TBC1D2B: variants seen among roughly 807,000 people sequenced by gnomAD.
The protein encoded by TBC1D2B is TBC1 domain family, member 2B.
TBC1D2B carries 64 observed loss-of-function variants against 100.8 expected under a neutral mutation model. The observed-to-expected ratio is 0.64, with a 90% CI of 0.52 to 0.78. The LOEUF is 0.78. Among genes scored for constraint, TBC1D2B ranks in the 30% least tolerant of loss-of-function variants. The pLI is 0.00. For missense variants in TBC1D2B, 1,052 were observed against 1,218.4 expected, an observed-to-expected ratio of 0.86 and a Z score of 2.03; for synonymous variants, 480 against 479.7, an observed-to-expected ratio of 1.00 and a Z score of -0.01.
At chr15:78,004,441 C>T (rs1012986152) in intron 10 of TBC1D2B, among the ~76,000 whole-genome samples, 5 of 152,192 alleles carry the variant, frequency 3.3e-5, no homozygotes, top group Non-Finnish European at 5.9e-5. Flanking sequence ...CACAGCCAGG[C>T]AGAAGCTGGC....
intron 4 of TBC1D2B, among the ~76,000 whole-genome samples, chr15:78,029,425 T>C (rs1008806977): frequency 6.6e-6 from 1 of 152,246 alleles, no homozygotes; most frequent in Admixed American, 6.5e-5. Flanking sequence ...CAGATGCAGT[T>C]GCAGATTGCA....
intron 10 of TBC1D2B, 134 bp from the exon 11 acceptor site, chr15:78,003,624 G>A (rs922271572): frequency 3.1e-6 from 2 of 643,514 alleles, no homozygotes; most frequent in African/African-American, 1.8e-5. Flanking sequence ...AATGCACCGT[G>A]GGGCCCATCA....
At position 78,009,083 on chromosome 15, in the gene TBC1D2B, G is replaced by C. The variant is rs779924017; in HGVS notation, c.2302C>G (p.Gln768Glu). Residue 768 changes from glutamine (Q) to glutamate (E), a missense_variant, in exon 10 of 13, where the codon CAA becomes GAA. Physicochemically the swap from Gln to Glu is conservative, Grantham distance 29 (BLOSUM62 2). This residue lies in a region of TBC1D2B where 373 missense variants were observed against 464.9 expected (regional missense o/e 0.80). Coordinates refer to ENST00000300584, the MANE Select transcript of TBC1D2B (RefSeq NM_144572.2). ...ACGAGACACCAGAAAGCATCTTCTT[G>C]TTCCAGGTACAGGAGGGCCACTGCC... ...LVAVALLYLE[Q>E]EDAFWCLVTI... 1 of 1,606,986 alleles carries C rather than the reference G, an allele frequency of 6.2e-7. No individual in the cohort carries two copies. The highest frequency in any genetic ancestry group is 8.5e-7 in the Non-Finnish European group (1 of 1,176,586).
rs762721837 is a variant in TBC1D2B at position 78,077,312 on chromosome 15, C to T, written c.341G>A (p.Gly114Glu). Residue 114 changes from glycine (G) to glutamate (E), a missense_variant, in exon 1 of 13, where the codon GGA becomes GAA. Gly to Glu is a moderately conservative substitution (Grantham distance 98). Around this residue, in one of 4 missense-constraint regions of TBC1D2B, gnomAD observed 627 missense variants for 646.1 expected, o/e 0.97. Transcript: ENST00000300584. ...PPAHFQVHSA[G>E]AVTVLKAPNR... Reference sequence around the variant, plus strand: ...TCCCACCTTGAGCACCGTGACGGCTCCCGCGCTGTGCACCTGGAAGTGCGC... The same window carrying T: ...TCCCACCTTGAGCACCGTGACGGCTTCCGCGCTGTGCACCTGGAAGTGCGC... 8.5e-6 allele frequency: 13 copies of T among 1,529,574 alleles called. No homozygotes were observed. In the African/African-American group the frequency reaches 1.8e-4, roughly 22 times the overall value. The allele number at this position is 1,529,574 out of a possible 1,614,324, so 94.8% of individuals were successfully genotyped here.
intron 12 of TBC1D2B, among the ~76,000 whole-genome samples, chr15:78,000,296 G>A (rs570048538): frequency 6.6e-6 from 1 of 152,318 alleles, no homozygotes; most frequent in Non-Finnish European, 1.5e-5. Context: ...AGGGAAGGGC[G>A]GGCACTCACC....
chr15:78,076,278 G>A (rs1337447015), intron 1 of TBC1D2B, among the ~76,000 whole-genome samples: 2 of 152,148 alleles, frequency 1.3e-5, no homozygotes, highest in Non-Finnish European at 2.9e-5. Context: ...AGCCTCAAAG[G>A]AGCAAGGCAT....
At chr15:78,050,258 G>A (rs938097947) in intron 2 of TBC1D2B, among the ~76,000 whole-genome samples, 1 of 152,154 alleles carries the variant, frequency 6.6e-6, no homozygotes, top group African/African-American at 2.4e-5. Context: ...ACTAACCAAT[G>A]CAGCTGCTTC....
At chr15:78,045,302 C>T (rs1028127252) in intron 2 of TBC1D2B, among the ~76,000 whole-genome samples, 6 of 152,156 alleles carry the variant, frequency 3.9e-5, no homozygotes, top group Non-Finnish European at 5.9e-5. Flanking sequence ...CTCAAACCAC[C>T]AAGTATTAAC....
chr15:78,061,302 G>A (rs893381728), intron 1 of TBC1D2B, among the ~76,000 whole-genome samples: 1 of 151,994 alleles, frequency 6.6e-6, no homozygotes, highest in Non-Finnish European at 1.5e-5. Flanking sequence ...GCCAGGCACA[G>A]TGGCTGACAC....
intron 3 of TBC1D2B, chr15:78,034,829 T>A: frequency 1.4e-6 from 1 of 718,852 alleles, no homozygotes; most frequent in Non-Finnish European, 1.7e-6. Flanking sequence ...TGCTCTTATG[T>A]GGCAAAACCC....
intron 9 of TBC1D2B, 75 bp from the exon 10 acceptor site, chr15:78,009,189 G>T: frequency 1.9e-6 from 2 of 1,053,842 alleles, no homozygotes; most frequent in Non-Finnish European, 2.8e-6. Flanking sequence ...GAGACCATCT[G>T]CTTTAAGCCA....
intron 3 of TBC1D2B, chr15:78,034,713 TG>T (rs1326127977): frequency 1.0e-6 from 1 of 985,340 alleles, no homozygotes; most frequent in East Asian, 1.1e-4. Context: ...ACAGCCTTGC[TG>T]GAGGTGCGGT....
intron 1 of TBC1D2B, among the ~76,000 whole-genome samples, chr15:78,065,149 T>G (rs2073631455): frequency 6.6e-6 from 1 of 152,226 alleles, no homozygotes; most frequent in Non-Finnish European, 1.5e-5. Context: ...CTGCCATCTC[T>G]AACACTCAAG....
intron 12 of TBC1D2B, chr15:77,999,324 G>A: frequency 2.2e-6 from 1 of 454,990 alleles, no homozygotes; most frequent in Non-Finnish European, 4.4e-6. Flanking sequence ...TCGGCTGCGT[G>A]GGCTCCTTTT....
chr15:78,013,303 T>A lies in TBC1D2B; in HGVS notation c.1790A>T (p.Tyr597Phe). ...ATCCTCAGGTACAGTCCTGAACCCA[T>A]AAATATCATATTCACTGTTGATAAA... Reference protein sequence around the residue: ...KPHLVSEYDIYGFRTVPEDDE... With the variant: ...KPHLVSEYDIFGFRTVPEDDE... Residue 597 changes from tyrosine (Y) to phenylalanine (F), a missense_variant, in exon 9 of 13, where the codon TAT becomes TTT. Transcript: ENST00000300584. The A allele has an allele frequency of 6.2e-7, 1 of 1,604,566 alleles. No individual in the cohort carries two copies. The highest frequency in any genetic ancestry group is 8.5e-7 in the Non-Finnish European group (1 of 1,174,966).
intron 3 of TBC1D2B, among the ~76,000 whole-genome samples, chr15:78,039,460 G>A (rs2073023415): frequency 6.6e-6 from 1 of 152,194 alleles, no homozygotes; most frequent in Non-Finnish European, 1.5e-5. Flanking sequence ...GCCAACTGCA[G>A]GGCCCGCAGA....
intron 2 of TBC1D2B, among the ~76,000 whole-genome samples, chr15:78,047,813 G>A (rs1432989093): frequency 6.6e-6 from 1 of 152,070 alleles, no homozygotes; most frequent in Non-Finnish European, 1.5e-5. Flanking sequence ...TGGAGTGGGG[G>A]GCAGGGGGTG....
chr15:78,058,220 C>A (rs2073466756), intron 1 of TBC1D2B, among the ~76,000 whole-genome samples: 1 of 152,192 alleles, frequency 6.6e-6, no homozygotes. Context: ...ACTACAATGG[C>A]AAATATATTC....
intron 10 of TBC1D2B, among the ~76,000 whole-genome samples, chr15:78,008,601 G>A (rs1412852627): frequency 6.6e-6 from 1 of 152,190 alleles, no homozygotes; most frequent in African/African-American, 2.4e-5. Flanking sequence ...TCCCCCCGCC[G>A]AAGTCTCTGG....
Sources: gnomAD v4.1 joint callset for allele counts (sites outside exome capture counted in the v4.1 genomes callset) on GRCh38, gnomAD v4.1.1 for gene constraint, gnomAD v4.1.1 regional missense constraint, MANE v1.5 for transcripts, NCBI Gene and HGNC (gene_info 2026-07-23, HGNC 2026-07-21) for gene names.